The following EIF4G3 variants were observed in gnomAD, a reference collection of about 807,000 sequenced individuals.
EIF4G3 encodes the protein eIF-4-gamma 3.
Under a neutral mutation model 186.4 loss-of-function variants are expected in EIF4G3, and 34 were observed. The observed-to-expected ratio is 0.18, with a 90% CI of 0.14 to 0.24. The LOEUF (loss-of-function observed/expected upper bound fraction) is 0.24. Among genes scored for constraint, EIF4G3 ranks in the 10% least tolerant of loss-of-function variants. EIF4G3 has a pLI of 1.00. For missense variants in EIF4G3, 1,536 were observed against 1,948.5 expected (o/e 0.79, Z 3.99); for synonymous variants, 673 against 679.5 (o/e 0.99, Z 0.15).
intron 25 of EIF4G3, among the ~76,000 whole-genome samples, chr1:20,856,791 T>G (rs2075041034): frequency 6.6e-6 from 1 of 152,210 alleles, no homozygotes; most frequent in African/African-American, 2.4e-5. Context: ...AAAATATCTT[T>G]GTTATTACCT....
At chr1:21,031,154 C>T (rs1176454058) in intron 4 of EIF4G3, among the ~76,000 whole-genome samples, 1 of 151,838 alleles carries the variant, frequency 6.6e-6, no homozygotes, top group Non-Finnish European at 1.5e-5. Context: ...CCACTGCACT[C>T]CAGCCTGTGC....
chr1:21,133,079 C>T (rs187255651), intron 2 of EIF4G3, among the ~76,000 whole-genome samples: 5 of 152,226 alleles, frequency 3.3e-5, no homozygotes, highest in Non-Finnish European at 5.9e-5. Context: ...CAATCATGCC[C>T]GGCCCCAAAT....
Position 20,887,081 on chromosome 1 carries a change from C to A in EIF4G3, c.2254-710G>T, listed in dbSNP as rs1393485542. On this transcript the variant is annotated intron_variant, in intron 18 of 36. Coordinates refer to ENST00000602326, the MANE Select transcript of EIF4G3 (RefSeq NM_001391906.1). ...ATATTCATAATTACTATCTTAAATG[C>A]TTGGAAATAATTTTTCAAGGTTAAA... is the stretch of plus-strand genomic sequence containing the variant. Among the ~76,000 whole-genome samples, 3 of 152,058 alleles carry A rather than the reference C, an allele frequency of 2.0e-5. No individual in the cohort carries two copies. The East Asian group carries it at 5.8e-4, about 29-fold the overall frequency.
chr1:20,835,561 CA>C (rs751938465), intron 30 of EIF4G3, among the ~76,000 whole-genome samples: 1 of 151,974 alleles, frequency 6.6e-6, no homozygotes, highest in Non-Finnish European at 1.5e-5. Context: ...CACAGAAATA[CA>C]AAGGATCATA....
intron 2 of EIF4G3, among the ~76,000 whole-genome samples, chr1:21,139,232 A>G (rs1389404686): frequency 6.6e-6 from 1 of 152,230 alleles, no homozygotes; most frequent in Middle Eastern, 3.2e-3. Flanking sequence ...TCTAGAAAAG[A>G]AACTAAAAGA....
At chr1:21,107,435 G>A (rs2096637219) in intron 2 of EIF4G3, among the ~76,000 whole-genome samples, 1 of 152,090 alleles carries the variant, frequency 6.6e-6, no homozygotes, top group Non-Finnish European at 1.5e-5. Context: ...GCTTCCCAAA[G>A]TGCTGGGATG....
At chr1:21,176,645 G>A in intron 1 of EIF4G3, 77 bp downstream of exon 1, 1 of 438,250 alleles carries the variant, frequency 2.3e-6, no homozygotes, top group Non-Finnish European at 4.1e-6. Context: ...CAGCACCACC[G>A]GCTGCCGGTC....
chr1:21,135,237 C>T (rs773539366), intron 2 of EIF4G3, among the ~76,000 whole-genome samples: 3 of 152,202 alleles, frequency 2.0e-5, no homozygotes, highest in Admixed American at 6.5e-5. Context: ...TGGTGGCTCA[C>T]GCCTGTAATC....
At chr1:20,893,387 T>C (rs962741642) in intron 18 of EIF4G3, 130 bp downstream of exon 18, 5 of 979,152 alleles carry the variant, frequency 5.1e-6, no homozygotes, top group East Asian at 2.6e-5. Context: ...ATGGAAAGGA[T>C]AGTCTTTGCC....
rs1010756636 is a variant in EIF4G3, at chr1:21,176,857, C to T, written c.-591G>A. The T allele has an allele frequency of 1.0e-5, 7 of 700,764 alleles. No homozygotes were observed. Among genetic ancestry groups the T allele is most frequent in the South Asian group, 3.0e-5 (2 of 67,586 alleles). The allele number at this position is 700,764 out of a possible 1,614,324, so 43.4% of individuals were successfully genotyped here. ...TTCACTCAACGAGCAGAGCATCCAA[C>T]ATGGCGCTGTGGCCGCCTCCAGCAG... On this transcript the variant is annotated 5_prime_UTR_variant, in exon 1 of 37. It removes an upstream start codon present in the reference 5' UTR. Coordinates refer to ENST00000602326, the MANE Select transcript of EIF4G3 (RefSeq NM_001391906.1).
intron 18 of EIF4G3, among the ~76,000 whole-genome samples, chr1:20,890,544 T>C (rs1253857662): frequency 2.0e-5 from 3 of 152,078 alleles, no homozygotes; most frequent in African/African-American, 4.8e-5. Context: ...CAACCTCTGT[T>C]TCCCAGGCTC....
intron 36 of EIF4G3, 25 bp from the exon 37 acceptor site, chr1:20,807,525 T>A (rs370026594): frequency 6.4e-7 from 1 of 1,565,312 alleles, no homozygotes; most frequent in Middle Eastern, 1.8e-4. Context: ...AAATAAACTA[T>A]AAGCTTTGGG....
intron 7 of EIF4G3, among the ~76,000 whole-genome samples, chr1:20,982,675 TATA>T (rs1267058427): frequency 6.6e-6 from 1 of 152,150 alleles, no homozygotes; most frequent in Non-Finnish European, 1.5e-5. Flanking sequence ...AGCCACAAGT[TATA>T]GTAGTGTGCA....
chr1:20,836,739 ATTTG>A (rs1211137633), intron 30 of EIF4G3, among the ~76,000 whole-genome samples: 3 of 152,294 alleles, frequency 2.0e-5, no homozygotes, highest in South Asian at 2.1e-4. Flanking sequence ...CTTGGTCTTC[ATTTG>A]TTTATTATAC....
intron 10 of EIF4G3, among the ~76,000 whole-genome samples, chr1:20,976,450 G>A (rs57586138): frequency 0.095 from 14,436 of 151,560 alleles, 913 homozygotes; most frequent in East Asian, 0.26. Context: ...GGCAGTAAAC[G>A]GCAGTTTTCT....
intron 7 of EIF4G3, 38 bp from the exon 8 acceptor site, chr1:20,982,446 A>G (rs1396091229): frequency 6.6e-7 from 1 of 1,515,990 alleles, no homozygotes; most frequent in African/African-American, 1.4e-5. Context: ...GGAAACAGAA[A>G]GAAAGCCAAT....
At chr1:21,000,845 A>G (rs1191544458) in intron 6 of EIF4G3, among the ~76,000 whole-genome samples, 1 of 152,206 alleles carries the variant, frequency 6.6e-6, no homozygotes, top group African/African-American at 2.4e-5. Flanking sequence ...TGACAACTAC[A>G]GACAATTTCC....
At chr1:20,972,155 A>G (rs571597262) in intron 11 of EIF4G3, among the ~76,000 whole-genome samples, 36 of 152,324 alleles carry the variant, frequency 2.4e-4, no homozygotes, top group Admixed American at 1.2e-3. Context: ...GCCTCATTAG[A>G]CAAAGACAAA....
intron 2 of EIF4G3, among the ~76,000 whole-genome samples, chr1:21,131,711 G>T (rs1445998782): frequency 6.6e-6 from 1 of 151,920 alleles, no homozygotes; most frequent in Non-Finnish European, 1.5e-5. Context: ...GCTGGGCATG[G>T]TGGCTCACAC....
Sources: allele counts gnomAD v4.1 joint callset (sites outside exome capture counted in the v4.1 genomes callset), GRCh38; gene constraint gnomAD v4.1.1; transcripts MANE v1.5; gene names NCBI Gene and HGNC (gene_info 2026-07-23, HGNC 2026-07-21).